Variants in INTS9 observed in about 807,000 individuals in gnomAD.
INTS9 encodes protein related to CPSF subunits of 74 kDa.
INTS9 carries 55 observed loss-of-function variants against 79.7 expected under a neutral mutation model. That is an observed-to-expected ratio of 0.69 (90% CI 0.56 to 0.86). The LOEUF (loss-of-function observed/expected upper bound fraction) is 0.86, where lower values mean the gene tolerates loss of function less well. Among genes scored for constraint, INTS9 ranks in the 40% least tolerant of loss-of-function variants. The probability of loss-of-function intolerance (pLI) is 0.00; values close to 1 mark genes in which losing one functional copy is unlikely to be tolerated. For missense variants in INTS9, 721 were observed against 831.5 expected (o/e 0.87, Z 1.64); for synonymous variants, 319 against 325.2 (o/e 0.98, Z 0.20).
chr8:28,882,849 T>C (rs1809971399), intron 1 of INTS9, among the ~76,000 whole-genome samples: 1 of 152,224 alleles, frequency 6.6e-6, no homozygotes, highest in Admixed American at 6.5e-5. Context: ...AGGCATTTCC[T>C]TCAAATTCAT....
intron 14 of INTS9, among the ~76,000 whole-genome samples, chr8:28,774,525 A>G (rs1409025302): frequency 6.8e-6 from 1 of 146,838 alleles, no homozygotes; most frequent in Non-Finnish European, 1.5e-5. Flanking sequence ...CAATCCAGAG[A>G]AAGTGAAAAA....
chr8:28,783,120 G>A (rs1375516777), intron 11 of INTS9, among the ~76,000 whole-genome samples: 1 of 146,372 alleles, frequency 6.8e-6, no homozygotes, highest in African/African-American at 2.6e-5. Context: ...ACTCCAGCCT[G>A]GGCGACAGTG....
intron 13 of INTS9, chr8:28,776,184 C>T (rs1270306133): frequency 3.9e-5 from 14 of 363,018 alleles, no homozygotes; most frequent in East Asian, 2.6e-4. Context: ...ATAAGTTTCA[C>T]GGTAACTTCC....
At chr8:28,867,449 G>A (rs1364535252) in intron 1 of INTS9, among the ~76,000 whole-genome samples, 1 of 151,036 alleles carries the variant, frequency 6.6e-6, no homozygotes, top group African/African-American at 2.4e-5. Context: ...GTGGTGGCGT[G>A]AGCCTTAATC....
intron 11 of INTS9, among the ~76,000 whole-genome samples, chr8:28,782,012 G>C (rs1347844149): frequency 6.6e-6 from 1 of 152,202 alleles, no homozygotes; most frequent in African/African-American, 2.4e-5. Flanking sequence ...GTGGGCAACT[G>C]CGTGTGTGGG....
In INTS9 at chr8:28,850,215, T is replaced by C. The variant is rs1807755450; in HGVS notation, c.196A>G (p.Lys66Glu). 2 of 1,613,110 alleles carry C rather than the reference T, an allele frequency of 1.2e-6. No homozygotes were observed. The highest frequency in any genetic ancestry group is 2.2e-5 in the South Asian group (2 of 91,050). ...TAGTTTGTAGTCTTAGATATTACCTTGTCCAAGAAAGCATTTCCATCCTTC... is the reference window on the plus strand; with the variant it reads ...TAGTTTGTAGTCTTAGATATTACCTCGTCCAAGAAAGCATTTCCATCCTTC... ...SLKDGNAFLD[K>E]ELKECSGHVF... Residue 66 changes from lysine (K) to glutamate (E), a missense_variant and splice_region_variant, in exon 3 of 17, where the codon AAG (lysine) becomes GAG (glutamate). Physicochemically the swap from Lys to Glu is moderately conservative, Grantham distance 56. Around this residue, in one of 3 missense-constraint regions of INTS9, gnomAD observed 291 missense variants for 307.0 expected, o/e 0.95. Coordinates refer to ENST00000521022, the MANE Select transcript of INTS9 (RefSeq NM_018250.4).
At position 28,769,995 on chromosome 8, in the gene INTS9, C is replaced by A. The variant is rs1234550865; in HGVS notation, c.1694G>T (p.Gly565Val). Residue 565 changes from glycine to valine, a missense_variant, in exon 16 of 17, where the codon GGG (glycine) becomes GTG (valine). Gly to Val is a moderately radical substitution (Grantham distance 109). Coordinates refer to ENST00000521022, the MANE Select transcript of INTS9 (RefSeq NM_018250.4). ...ATCGCTCACCCGCTTTCTCTTCTTC[C>A]CGCTCGTGGGCTGGGCGGGCCGAGG... ...PPPRPAQPTS[G>V]KKRKRVSDDV... 4 of 1,614,082 alleles carry A rather than the reference C, an allele frequency of 2.5e-6. No homozygotes were observed. The highest frequency in any genetic ancestry group is 3.4e-6 in the Non-Finnish European group (4 of 1,180,054).
At chr8:28,835,229 G>A (rs1806734273) in intron 6 of INTS9, 63 bp downstream of exon 6, 1 of 1,053,886 alleles carries the variant, frequency 9.5e-7, no homozygotes, top group African/African-American at 1.6e-5. Flanking sequence ...GAAATCAAAT[G>A]AGACTGCTTT....
intron 14 of INTS9, among the ~76,000 whole-genome samples, chr8:28,772,918 A>G (rs185111006): frequency 1.3e-5 from 2 of 152,374 alleles, no homozygotes; most frequent in African/African-American, 2.4e-5. Context: ...ACAACATTCA[A>G]TATTAGCAAG....
rs530465252 is a variant in INTS9 at position 28,850,117 on chromosome 8, A to G, written c.198+96T>C. 7 of 855,112 alleles carry G rather than the reference A, an allele frequency of 8.2e-6. No homozygotes were observed. The South Asian group carries it at 1.3e-4, about 15-fold the overall frequency. The allele number at this position is 855,112 out of a possible 1,614,324, so 53.0% of individuals were successfully genotyped here. On this transcript the variant is annotated intron_variant, in intron 3 of 16. Coordinates refer to ENST00000521022, the MANE Select transcript of INTS9 (RefSeq NM_018250.4). ...GATTTTCAGAGAGGAAAAAAAAAAA[A>G]AGCCATCAGTCACACTACTACAGGG...
intron 10 of INTS9, among the ~76,000 whole-genome samples, chr8:28,792,782 G>A (rs34840788): frequency 0.19 from 29,052 of 151,758 alleles, 3,107 homozygotes; most frequent in East Asian, 0.47. Context: ...GCATGGTGGC[G>A]GGTGCCTGTA....
chr8:28,859,578 AT>A lies in INTS9; in HGVS notation c.10-16del. The A allele has an allele frequency of 6.2e-7, 1 of 1,613,282 alleles. No homozygotes were observed. The highest frequency in any genetic ancestry group is 8.5e-7 in the Non-Finnish European group (1 of 1,179,264). The stretch of plus-strand genomic sequence containing the variant: ...GACAGGCAATACTGAAAAAAATTAA[AT>A]CACTTTGATCAGTAATCAATTACAG... On this transcript the variant is annotated splice_polypyrimidine_tract_variant and intron_variant, in intron 1 of 16. Coordinates refer to ENST00000521022, the MANE Select transcript of INTS9 (RefSeq NM_018250.4).
At chr8:28,788,712 C>G (rs1803758637) in intron 10 of INTS9, among the ~76,000 whole-genome samples, 1 of 152,218 alleles carries the variant, frequency 6.6e-6, no homozygotes, top group Non-Finnish European at 1.5e-5. Context: ...AGCCACTGTG[C>G]CTGGCCCTCA....
intron 1 of INTS9, among the ~76,000 whole-genome samples, chr8:28,868,150 G>A (rs1190233281): frequency 6.6e-6 from 1 of 152,218 alleles, no homozygotes; most frequent in Non-Finnish European, 1.5e-5. Context: ...GAATTGGTAA[G>A]AATGCAGATG....
intron 8 of INTS9, among the ~76,000 whole-genome samples, chr8:28,804,467 G>GC (rs1038582776): frequency 1.4e-4 from 21 of 149,126 alleles, no homozygotes; most frequent in African/African-American, 5.2e-4. Context: ...AATACCCCCC[G>GC]CCCCCCTGCA....
chr8:28,780,619 G>C lies in INTS9; in HGVS notation c.1270+204C>G, dbSNP rs1022294269. 6.1e-6 allele frequency: 6 copies of C among 985,312 alleles called. No individual in the cohort carries two copies. The Admixed American group carries it at 2.5e-4, about 40-fold the overall frequency. The allele number at this position is 985,312 out of a possible 1,614,324, so 61.0% of individuals were successfully genotyped here. ...GAAATCTGAAAACACAGGCATGAAGGCCTCGCTGGATGCCCAGCTGTCCAA... is the reference window on the plus strand; with the variant it reads ...GAAATCTGAAAACACAGGCATGAAGCCCTCGCTGGATGCCCAGCTGTCCAA... On this transcript the variant is annotated intron_variant, in intron 12 of 16. Coordinates refer to ENST00000521022, the MANE Select transcript of INTS9 (RefSeq NM_018250.4).
At chr8:28,814,209 C>A (rs1382682561) in intron 6 of INTS9, among the ~76,000 whole-genome samples, 2 of 151,198 alleles carry the variant, frequency 1.3e-5, no homozygotes, top group Non-Finnish European at 2.9e-5. Flanking sequence ...CAATACAGGT[C>A]CAAGTACTGG....
chr8:28,875,757 C>T (rs938743791), intron 1 of INTS9, among the ~76,000 whole-genome samples: 3 of 152,200 alleles, frequency 2.0e-5, no homozygotes, highest in African/African-American at 7.2e-5. Context: ...CAATCACATA[C>T]ATTGAATATA....
chr8:28,889,949 A>G lies in INTS9; in HGVS notation c.-67T>C. On this transcript the variant is annotated 5_prime_UTR_variant, in exon 1 of 17. Coordinates refer to ENST00000521022, the MANE Select transcript of INTS9 (RefSeq NM_018250.4). ...AAACCCAGGAAGCGTCTTCCGGTGC[A>G]ATCTCCGCCACCTGCCAGCCGAGAG... The G allele has an allele frequency of 7.5e-7, 1 of 1,338,374 alleles. No individual in the cohort carries two copies. Among genetic ancestry groups the G allele is most frequent in the Middle Eastern group, 1.8e-4 (1 of 5,512 alleles). 82.9% of individuals were successfully genotyped at this position (1,338,374 alleles called of 1,614,324 possible).
Sources: allele counts gnomAD v4.1 joint callset (sites outside exome capture counted in the v4.1 genomes callset), GRCh38; gene constraint gnomAD v4.1.1; regional missense constraint gnomAD v4.1.1; transcripts MANE v1.5; gene names NCBI Gene and HGNC (gene_info 2026-07-23, HGNC 2026-07-21).